DISC1: variants seen among roughly 807,000 people sequenced by gnomAD.
DISC1 encodes the protein DISC1 scaffold protein.
In DISC1, 57 loss-of-function variants were observed where a neutral mutation model predicts 84.5. The observed-to-expected ratio is 0.67, with a 90% CI of 0.55 to 0.84. DISC1 has a LOEUF of 0.84. Among genes scored for constraint, DISC1 ranks in the 40% least tolerant of loss-of-function variants. The pLI is 0.00. For synonymous variants in DISC1, 411 were observed against 415.2 expected, an observed-to-expected ratio of 0.99 and a Z score of 0.12; for missense variants, 1,000 against 1,057.8, an observed-to-expected ratio of 0.95 and a Z score of 0.76.
rs896269638 is a variant in DISC1, at chr1:232,031,287, AAG to A, written c.2425+4738_2425+4739del. On this transcript the variant is annotated intron_variant, in intron 12 of 12. Transcript: ENST00000439617. This position sits in a 1 kb window ranked among gnomAD's most constrained non-coding sequence, Gnocchi z 4.6. The stretch of plus-strand genomic sequence containing the variant: ...AAGATAAAGAAAGAAAAAGAAAGAA[AAG>A]AGGAAGGAAGGAAGGAGAGAGGGAA... Among the ~76,000 whole-genome samples, 8 of 142,676 alleles carry A rather than the reference AAG, an allele frequency of 5.6e-5. No individual in the cohort carries two copies. Among genetic ancestry groups the A allele is most frequent in the African/African-American group, 1.8e-4 (7 of 38,752 alleles). 93.6% of individuals were successfully genotyped at this position (142,676 alleles called of 152,430 possible). A position where few individuals can be genotyped will look rare whatever the true frequency, so the allele number is the denominator to read the frequency against.
At chr1:231,994,855 T>A (rs1238942104) in intron 10 of DISC1, among the ~76,000 whole-genome samples, 1 of 152,206 alleles carries the variant, frequency 6.6e-6, no homozygotes, top group Non-Finnish European at 1.5e-5. Context: ...CATCACCTTC[T>A]AACTAACAAT....
chr1:231,887,621 G>A lies in DISC1; in HGVS notation c.1981+69104G>A, dbSNP rs138564379. Among the ~76,000 whole-genome samples the A allele has an allele frequency of 9.9e-3, 1,500 of 152,284 alleles. 17 individuals are homozygous for A. The highest frequency in any genetic ancestry group is 0.014 in the Non-Finnish European group (954 of 68,032). On this transcript the variant is annotated intron_variant, in intron 9 of 12. Transcript: ENST00000439617. ...TACAGGACTGGGCAGTTACGACCTG[G>A]ACATTAGTCCAGTTTTCTGTATTCT...
At chr1:231,993,699 C>T (rs1485341358) in intron 10 of DISC1, among the ~76,000 whole-genome samples, 1 of 151,926 alleles carries the variant, frequency 6.6e-6, no homozygotes, top group Non-Finnish European at 1.5e-5. Context: ...TCCCTGCTCT[C>T]AAGGGGCCAC....
Position 232,040,579 on chromosome 1 carries a change from A to T in DISC1, c.*3748A>T, listed in dbSNP as rs2103078526. ...TAAAATGTGAAGTAATAGTGAACCTAACAGTCAGAGACAGGCAGCATGCTC... is the reference window on the plus strand; with the variant it reads ...TAAAATGTGAAGTAATAGTGAACCTTACAGTCAGAGACAGGCAGCATGCTC... On this transcript the variant is annotated 3_prime_UTR_variant, in exon 13 of 13. Transcript: ENST00000439617. 6.6e-6 allele frequency: 1 copy of T among 152,296 alleles called. No homozygotes were observed. Among genetic ancestry groups the T allele is most frequent in the Admixed American group, 6.5e-5 (1 of 15,288 alleles). The allele number at this position is 152,296 out of a possible 1,614,324, so 9.4% of individuals were successfully genotyped here. A position where few individuals can be genotyped will look rare whatever the true frequency, so the allele number is the denominator to read the frequency against.
chr1:231,912,151 C>T (rs553913897), intron 9 of DISC1, among the ~76,000 whole-genome samples: 1 of 152,134 alleles, frequency 6.6e-6, no homozygotes, highest in African/African-American at 2.4e-5. Flanking sequence ...TTTATTATTA[C>T]CGATCGTTTG....
chr1:231,867,259 A>G (rs1211382673), intron 9 of DISC1, among the ~76,000 whole-genome samples: 1 of 152,230 alleles, frequency 6.6e-6, no homozygotes, highest in African/African-American at 2.4e-5. Flanking sequence ...CTGGTTAGCT[A>G]TCACACTGCC....
intron 10 of DISC1, among the ~76,000 whole-genome samples, chr1:231,990,763 T>G (rs200449768): frequency 1.3e-5 from 2 of 152,202 alleles, no homozygotes; most frequent in Non-Finnish European, 2.9e-5. Context: ...TGCAGGCCAC[T>G]AGCTCTGCTC....
rs577276600 is a variant in DISC1 at position 232,029,484 on chromosome 1, G to A, written c.2425+2932G>A. ...TGCCAGAATCCTCCAGCCAAACTCTGACTGGTTTGTATTTCCATGTTTGAT... is the reference window on the plus strand; with the variant it reads ...TGCCAGAATCCTCCAGCCAAACTCTAACTGGTTTGTATTTCCATGTTTGAT... On this transcript the variant is annotated intron_variant, in intron 12 of 12. Coordinates refer to ENST00000439617, the MANE Select transcript of DISC1 (RefSeq NM_018662.3). 2.5e-4 allele frequency among the ~76,000 whole-genome samples: 38 copies of A among 152,328 alleles called. 1 individual carries two copies. The highest frequency in any genetic ancestry group is 3.4e-3 in the Middle Eastern group (1 of 294).
intron 2 of DISC1, among the ~76,000 whole-genome samples, chr1:231,697,388 A>G (rs1321653046): frequency 6.6e-6 from 1 of 152,098 alleles, no homozygotes; most frequent in Non-Finnish European, 1.5e-5. Context: ...TACTTGCTAA[A>G]ATTTGTTGTT....
At chr1:231,921,321 G>C (rs1466243214) in intron 9 of DISC1, among the ~76,000 whole-genome samples, 1 of 152,108 alleles carries the variant, frequency 6.6e-6, no homozygotes, top group East Asian at 1.9e-4. Context: ...GCACAGTGAA[G>C]AGCACATGGA....
chr1:232,039,200 T>A lies in DISC1; in HGVS notation c.*2369T>A, dbSNP rs1337150980. On this transcript the variant is annotated 3_prime_UTR_variant, in exon 13 of 13. Transcript: ENST00000439617. ...CTTGGAATCCTTGAGTTAATTCCAG[T>A]GAAGCAAAACTTGGGAAGAGTCAGG... 1 of 152,188 alleles carries A rather than the reference T, an allele frequency of 6.6e-6. No individual in the cohort carries two copies. Among genetic ancestry groups the A allele is most frequent in the East Asian group, 1.9e-4 (1 of 5,198 alleles). The allele number at this position is 152,188 out of a possible 1,614,324, so 9.4% of individuals were successfully genotyped here.
chr1:231,917,387 C>T (rs375153141), intron 9 of DISC1, among the ~76,000 whole-genome samples: 1 of 152,176 alleles, frequency 6.6e-6, no homozygotes, highest in African/African-American at 2.4e-5. Context: ...GTGCTATTGC[C>T]TTATGCCTTG....
chr1:231,679,719 G>A (rs1027015609), intron 1 of DISC1, among the ~76,000 whole-genome samples: 4 of 152,198 alleles, frequency 2.6e-5, no homozygotes, highest in African/African-American at 9.6e-5. Flanking sequence ...GAATGTAAAT[G>A]AGTACTTGAA....
chr1:231,705,484 A>C lies in DISC1; in HGVS notation c.1117+3460A>C, dbSNP rs144136996. On this transcript the variant is annotated intron_variant, in intron 3 of 12. Coordinates refer to ENST00000439617, the MANE Select transcript of DISC1 (RefSeq NM_018662.3). ...TGCAACAGACGGGGGATTCCGGCAA[A>C]GAGAAGAGGGAGAAAGGGCACTGTT... Among the ~76,000 whole-genome samples the C allele has an allele frequency of 1.3e-3, 205 of 152,024 alleles. 2 individuals carry two copies. Among genetic ancestry groups the C allele is most frequent in the South Asian group, 3.7e-3 (18 of 4,804 alleles).
rs113578108 is a variant in DISC1 at position 231,674,911 on chromosome 1, C to G, written c.68-18915C>G. 1.4e-4 allele frequency among the ~76,000 whole-genome samples: 21 copies of G among 152,276 alleles called. No individual in the cohort carries two copies. In the South Asian group the frequency reaches 4.4e-3, roughly 32 times the overall value. On this transcript the variant is annotated intron_variant, in intron 1 of 12. Transcript: ENST00000439617. ...TTTGTTTTCACCCCATTCCTACGCC[C>G]GCCCAGACTTACCTTTGCTGTCACT...
In DISC1 at chr1:231,954,238, A is replaced by T. The variant is rs980330190; in HGVS notation, c.1982-4590A>T. 1.3e-5 allele frequency among the ~76,000 whole-genome samples: 2 copies of T among 152,144 alleles called. No individual in the cohort carries two copies. Among genetic ancestry groups the T allele is most frequent in the African/African-American group, 4.8e-5 (2 of 41,428 alleles). ...TGTTAAAGAGGCTGGTCCCACAGCT[A>T]TCTCTGTGTCCCTGGAAGCCGTGTC... On this transcript the variant is annotated intron_variant, in intron 9 of 12. Transcript: ENST00000439617. The surrounding 1 kb of genome is among the most constrained non-coding windows in gnomAD (Gnocchi z 4.8).
At chr1:231,707,556 A>G (rs753293822) in intron 3 of DISC1, among the ~76,000 whole-genome samples, 2 of 152,200 alleles carry the variant, frequency 1.3e-5, no homozygotes, top group African/African-American at 2.4e-5. Flanking sequence ...AAAAATGCCA[A>G]CACTTAGACC....
intron 9 of DISC1, among the ~76,000 whole-genome samples, chr1:231,902,017 A>G (rs1357569917): frequency 1.3e-5 from 2 of 151,864 alleles, no homozygotes; most frequent in African/African-American, 4.8e-5. Context: ...AATATTTATT[A>G]TATTTATCAT....
At chr1:231,803,134 G>A (rs1178061424) in intron 8 of DISC1, among the ~76,000 whole-genome samples, 1 of 152,152 alleles carries the variant, frequency 6.6e-6, no homozygotes, top group African/African-American at 2.4e-5. Flanking sequence ...CTCAACTGGG[G>A]TGGGAGAATC....
Sources: allele counts gnomAD v4.1 joint callset (sites outside exome capture counted in the v4.1 genomes callset), GRCh38; gene constraint gnomAD v4.1.1; non-coding constraint Gnocchi (gnomAD v3.1); transcripts MANE v1.5; gene names NCBI Gene and HGNC (gene_info 2026-07-23, HGNC 2026-07-21).